Variants in PLD1 observed in about 807,000 individuals in gnomAD.
PLD1 encodes phospholipase D1, also known as choline phosphatase 1.
Under a neutral mutation model 137.1 loss-of-function variants are expected in PLD1, and 112 were observed. The observed-to-expected ratio is 0.82, with a 90% CI of 0.70 to 0.96. The LOEUF (loss-of-function observed/expected upper bound fraction) is 0.96, where lower values mean the gene tolerates loss of function less well. PLD1 is among the 40% of genes least tolerant of loss of function. PLD1 has a pLI of 0.00. For missense variants in PLD1, 1,321 were observed against 1,342.0 expected, an observed-to-expected ratio of 0.98 and a Z score of 0.24; for synonymous variants, 431 against 454.7, an observed-to-expected ratio of 0.95 and a Z score of 0.66.
chr3:171,762,479 C>CT (rs1037752237), intron 1 of PLD1, among the ~76,000 whole-genome samples: 3 of 152,204 alleles, frequency 2.0e-5, no homozygotes, highest in African/African-American at 7.2e-5. Context: ...CTCTCAGGGG[C>CT]TCACAAGCCA....
chr3:171,637,780 A>G (rs1272847011), intron 23 of PLD1, among the ~76,000 whole-genome samples: 2 of 152,212 alleles, frequency 1.3e-5, no homozygotes, highest in African/African-American at 4.8e-5. Context: ...CCTGTACAGC[A>G]TGATACTATA....
intron 1 of PLD1, among the ~76,000 whole-genome samples, chr3:171,753,265 C>G (rs189355958): frequency 6.6e-6 from 1 of 152,202 alleles, no homozygotes; most frequent in East Asian, 1.9e-4. Flanking sequence ...GAGATATTCT[C>G]AGGACACCTG....
rs746135533 is a variant in PLD1 at position 171,692,323 on chromosome 3, C to T, written c.1338+9G>A. The T allele has an allele frequency of 1.8e-5, 22 of 1,244,936 alleles. No homozygotes were observed. The highest frequency in any genetic ancestry group is 2.5e-5 in the Non-Finnish European group (21 of 847,690). 77.1% of individuals were successfully genotyped at this position (1,244,936 alleles called of 1,614,324 possible). On this transcript the variant is annotated intron_variant, in intron 13 of 26. Coordinates refer to ENST00000351298, the MANE Select transcript of PLD1 (RefSeq NM_002662.5). ...AAGAAACATTGGTTATCAAGATGAA[C>T]CTGAATACCTTTATGTTGGGATGTA...
At chr3:171,708,676 T>C (rs931842453) in intron 11 of PLD1, 79 bp downstream of exon 11, 3 of 781,430 alleles carry the variant, frequency 3.8e-6, no homozygotes, top group Non-Finnish European at 6.7e-6. Context: ...TAATGTGTAA[T>C]TCTTGAACAG....
rs1715677474 is a variant in PLD1, at chr3:171,696,223, C to T, written c.1227+3522G>A. On this transcript the variant is annotated intron_variant, in intron 12 of 26. Transcript: ENST00000351298. ...CACAAAATTGCGTGTGGGGATTTGG[C>T]TGCCATAAGTATGATGCAGCTTATC... Among the ~76,000 whole-genome samples the T allele has an allele frequency of 4.6e-5, 7 of 152,328 alleles. No homozygotes were observed. The South Asian group carries it at 1.2e-3, about 27-fold the overall frequency.
intron 8 of PLD1, among the ~76,000 whole-genome samples, chr3:171,715,612 T>C (rs1490168234): frequency 6.6e-6 from 1 of 152,140 alleles, no homozygotes; most frequent in African/African-American, 2.4e-5. Flanking sequence ...AGTTTTTTTT[T>C]CATCTGTGTC....
intron 23 of PLD1, among the ~76,000 whole-genome samples, chr3:171,620,769 T>TATA (rs1491299107): frequency 9.0e-5 from 8 of 88,494 alleles, no homozygotes; most frequent in African/African-American, 4.0e-4. Flanking sequence ...TATATATATA[T>TATA]TATATATATT....
Position 171,687,351 on chromosome 3 carries a change from TA to T in PLD1, c.1753+19del. 6.3e-7 allele frequency: 1 copy of T among 1,597,070 alleles called. No homozygotes were observed. The highest frequency in any genetic ancestry group is 8.6e-7 in the Non-Finnish European group (1 of 1,164,392). ...AACAGTGGGTAGTTAAGATAAATTC[TA>T]GTCAAGGCCATGACTTACTGGAGGT... On this transcript the variant is annotated intron_variant, in intron 15 of 26. Transcript: ENST00000351298.
chr3:171,724,585 T>G, intron 8 of PLD1, 111 bp downstream of exon 8: 1 of 651,560 alleles, frequency 1.5e-6, no homozygotes, highest in East Asian at 2.7e-5. Flanking sequence ...AATTAAAAAT[T>G]TGTTCTGCCA....
intron 8 of PLD1, among the ~76,000 whole-genome samples, chr3:171,718,675 C>A (rs571335319): frequency 6.6e-6 from 1 of 152,268 alleles, no homozygotes; most frequent in Non-Finnish European, 1.5e-5. Flanking sequence ...AGTGCCTGCC[C>A]TGAAGTCAGC....
chr3:171,743,039 C>A (rs529130819), intron 1 of PLD1, among the ~76,000 whole-genome samples: 212 of 152,200 alleles, frequency 1.4e-3, no homozygotes, highest in African/African-American at 4.9e-3. Flanking sequence ...AGGGAAAGAT[C>A]AAATGACCTA....
intron 23 of PLD1, among the ~76,000 whole-genome samples, chr3:171,622,157 G>A (rs1420863812): frequency 6.6e-6 from 1 of 152,146 alleles, no homozygotes; most frequent in Non-Finnish European, 1.5e-5. Context: ...AAGGAATCAT[G>A]GAGCAGGACC....
At chr3:171,798,301 G>A (rs1269404852) in intron 1 of PLD1, among the ~76,000 whole-genome samples, 4 of 152,164 alleles carry the variant, frequency 2.6e-5, no homozygotes, top group Admixed American at 2.6e-4. Context: ...TTTCTAGGCT[G>A]GGGCTATGAT....
chr3:171,806,475 T>G (rs1340221810), intron 1 of PLD1, among the ~76,000 whole-genome samples: 1 of 152,274 alleles, frequency 6.6e-6, no homozygotes, highest in African/African-American at 2.4e-5. Flanking sequence ...TTTCTCATTT[T>G]AACCCTGCAA....
intron 23 of PLD1, among the ~76,000 whole-genome samples, chr3:171,622,713 T>C (rs1045258160): frequency 2.0e-5 from 3 of 150,930 alleles, no homozygotes; most frequent in African/African-American, 7.3e-5. Context: ...GCCTTGGAAG[T>C]ATCAGCCAAT....
At chr3:171,639,611 T>TTATATATAATATATATTCTATATAA (rs1735515471) in intron 23 of PLD1, among the ~76,000 whole-genome samples, 1 of 76,856 alleles carries the variant, frequency 1.3e-5, no homozygotes, top group African/African-American at 7.7e-5. Flanking sequence ...ATAATATATA[T>TTATATATAATATATATTCTATATAA]TATATATAAT....
chr3:171,637,767 A>C (rs1219710012), intron 23 of PLD1, among the ~76,000 whole-genome samples: 1 of 152,228 alleles, frequency 6.6e-6, no homozygotes, highest in Non-Finnish European at 1.5e-5. Context: ...CCTAGGCTAC[A>C]AACCTGTACA....
chr3:171,748,929 C>T (rs954893491), intron 1 of PLD1, among the ~76,000 whole-genome samples: 4 of 150,986 alleles, frequency 2.6e-5, no homozygotes, highest in African/African-American at 9.8e-5. Flanking sequence ...TATATTCCTA[C>T]CTGAATCATG....
At chr3:171,741,565 T>C (rs1187652192) in intron 1 of PLD1, among the ~76,000 whole-genome samples, 1 of 152,212 alleles carries the variant, frequency 6.6e-6, no homozygotes, top group Non-Finnish European at 1.5e-5. Context: ...GTTACCTCCT[T>C]ATAAAATTAT....
Sources: allele counts gnomAD v4.1 joint callset (sites outside exome capture counted in the v4.1 genomes callset), GRCh38; gene constraint gnomAD v4.1.1; transcripts MANE v1.5; gene names NCBI Gene and HGNC (gene_info 2026-07-23, HGNC 2026-07-21).